The following NOL4 variants were observed in gnomAD, a reference collection of about 807,000 sequenced individuals.
NOL4 encodes the protein nucleolar protein 4.
NOL4 carries 17 observed loss-of-function variants against 75.9 expected under a neutral mutation model. The ratio of observed to expected loss-of-function variants is 0.22; its 90% CI spans 0.15 to 0.34. The LOEUF (loss-of-function observed/expected upper bound fraction) is 0.34. Ranked by LOEUF, NOL4 falls within the 10% of genes least tolerant of loss-of-function variation. NOL4 has a pLI of 1.00. For synonymous variants in NOL4, 292 were observed against 289.9 expected, an observed-to-expected ratio of 1.01 and a Z score of -0.07; for missense variants, 614 against 793.5, an observed-to-expected ratio of 0.77 and a Z score of 2.72.
intron 6 of NOL4, among the ~76,000 whole-genome samples, chr18:33,963,717 A>G (rs1340973078): frequency 1.3e-5 from 2 of 152,138 alleles, no homozygotes; most frequent in Non-Finnish European, 2.9e-5. Context: ...CCCATGATAA[A>G]ACGTGGCTTT....
chr18:33,916,235 C>G (rs1206886031), intron 9 of NOL4, among the ~76,000 whole-genome samples: 1 of 152,104 alleles, frequency 6.6e-6, no homozygotes, highest in Non-Finnish European at 1.5e-5. Flanking sequence ...GAATGACTCT[C>G]TATGTTTCAT....
At chr18:34,035,434 A>G (rs1300066843) in intron 5 of NOL4, among the ~76,000 whole-genome samples, 2 of 152,132 alleles carry the variant, frequency 1.3e-5, no homozygotes, top group African/African-American at 4.8e-5. Context: ...GGAATATAAT[A>G]TATCAAAACT....
At chr18:34,222,948 C>A in intron 1 of NOL4, 42 bp downstream of exon 1, 1 of 1,592,328 alleles carries the variant, frequency 6.3e-7, no homozygotes, top group Non-Finnish European at 8.5e-7. Flanking sequence ...CCCCGCCGGG[C>A]TGCTCCGGCA....
intron 10 of NOL4, among the ~76,000 whole-genome samples, chr18:33,866,848 G>A (rs1284139190): frequency 1.3e-5 from 2 of 152,048 alleles, no homozygotes; most frequent in Admixed American, 6.6e-5. Flanking sequence ...TGTATTATTT[G>A]TTTATGTATA....
intron 10 of NOL4, among the ~76,000 whole-genome samples, chr18:33,856,789 G>A (rs773041484): frequency 6.6e-6 from 1 of 152,050 alleles, no homozygotes; most frequent in Non-Finnish European, 1.5e-5. Flanking sequence ...TACAAAAAGA[G>A]AGAAAGCAGA....
chr18:33,887,999 T>C (rs550155818), intron 9 of NOL4, among the ~76,000 whole-genome samples: 4 of 152,164 alleles, frequency 2.6e-5, no homozygotes, highest in Admixed American at 2.6e-4. Context: ...CGCCACACTG[T>C]CTTCCACAAT....
chr18:33,858,846 G>A (rs2000941), intron 10 of NOL4, among the ~76,000 whole-genome samples: 22,901 of 151,900 alleles, frequency 0.15, 1,862 homozygotes, highest in Non-Finnish European at 0.18. Flanking sequence ...TTCAGTTTGT[G>A]TAATGGTTAC....
chr18:34,174,904 C>T (rs576649982), intron 1 of NOL4, among the ~76,000 whole-genome samples: 2 of 152,124 alleles, frequency 1.3e-5, no homozygotes, highest in Admixed American at 1.3e-4. Flanking sequence ...CTATGTGCCA[C>T]ATTTTCTTTA....
intron 6 of NOL4, among the ~76,000 whole-genome samples, chr18:33,997,446 C>A (rs2073377273): frequency 1.3e-5 from 2 of 151,538 alleles, no homozygotes; most frequent in African/African-American, 2.4e-5. Context: ...GTTTTTGTAC[C>A]AATACCATGC....
At chr18:33,932,789 AT>A (rs974094927) in intron 9 of NOL4, among the ~76,000 whole-genome samples, 6 of 151,962 alleles carry the variant, frequency 3.9e-5, no homozygotes, top group African/African-American at 1.4e-4. Context: ...ACCTGGAGAA[AT>A]TTTTTCAACT....
At chr18:34,172,678 C>T (rs4799748) in intron 1 of NOL4, among the ~76,000 whole-genome samples, 28,860 of 152,064 alleles carry the variant, frequency 0.19, 2,961 homozygotes, top group Middle Eastern at 0.24. Flanking sequence ...CATATCAACA[C>T]TTGTTTTTCT....
chr18:33,995,987 C>A (rs1209176268), intron 6 of NOL4, among the ~76,000 whole-genome samples: 1 of 151,742 alleles, frequency 6.6e-6, no homozygotes, highest in African/African-American at 2.4e-5. Flanking sequence ...TATTCTTCTG[C>A]CTAGTTATTC....
intron 1 of NOL4, among the ~76,000 whole-genome samples, chr18:34,190,121 TA>T (rs2034807631): frequency 6.6e-6 from 1 of 151,560 alleles, no homozygotes; most frequent in African/African-American, 2.4e-5. Context: ...TGCATATAGA[TA>T]GTATCCAAAC....
rs993784404 is a variant in NOL4, at chr18:33,851,636, G to A, written c.*1206C>T. 6.6e-6 allele frequency: 1 copy of A among 152,244 alleles called. No individual in the cohort carries two copies. The highest frequency in any genetic ancestry group is 2.4e-5 in the African/African-American group (1 of 41,382). 9.4% of individuals were successfully genotyped at this position (152,244 alleles called of 1,614,324 possible). ...TTCTCCCTAAATATTTAAAAAATAG[G>A]CTTGTCTCAGTGCACAAAGAAAACA... On this transcript the variant is annotated 3_prime_UTR_variant, in exon 11 of 11. Coordinates refer to ENST00000261592, the MANE Select transcript of NOL4 (RefSeq NM_003787.5).
intron 10 of NOL4, among the ~76,000 whole-genome samples, chr18:33,859,029 T>C (rs977765655): frequency 2.6e-5 from 4 of 152,188 alleles, no homozygotes; most frequent in African/African-American, 9.6e-5. Context: ...TTTATTCATC[T>C]TGTCATATTT....
At chr18:33,999,870 T>G (rs2073569969) in intron 6 of NOL4, among the ~76,000 whole-genome samples, 1 of 152,076 alleles carries the variant, frequency 6.6e-6, no homozygotes, top group Non-Finnish European at 1.5e-5. Context: ...GCCTGGTTGG[T>G]ATCGAAGCCC....
chr18:34,180,232 A>G (rs1156285958), intron 1 of NOL4, among the ~76,000 whole-genome samples: 1 of 151,542 alleles, frequency 6.6e-6, no homozygotes, highest in African/African-American at 2.4e-5. Flanking sequence ...AGACACAAAC[A>G]TCTTCAAAAA....
chr18:34,174,572 A>G (rs1252415199), intron 1 of NOL4, among the ~76,000 whole-genome samples: 1 of 152,014 alleles, frequency 6.6e-6, no homozygotes, highest in East Asian at 1.9e-4. Flanking sequence ...CATGTGCAGA[A>G]CATGCAGTTT....
intron 9 of NOL4, among the ~76,000 whole-genome samples, chr18:33,892,565 C>T (rs1372278939): frequency 6.6e-6 from 1 of 152,238 alleles, no homozygotes; most frequent in East Asian, 1.9e-4. Context: ...TATTAAAATG[C>T]TACAAGGCTT....
Sources: allele counts gnomAD v4.1 joint callset (sites outside exome capture counted in the v4.1 genomes callset), GRCh38; gene constraint gnomAD v4.1.1; transcripts MANE v1.5; gene names NCBI Gene and HGNC (gene_info 2026-07-23, HGNC 2026-07-21).